Variants in THSD7B observed in about 807,000 individuals in gnomAD.
The protein encoded by THSD7B is thrombospondin type-1 domain-containing protein 7B.
A neutral mutation model predicts 213.6 loss-of-function variants in THSD7B; 138 were observed. That is an observed-to-expected ratio of 0.65 (90% confidence interval 0.56 to 0.74). The LOEUF (loss-of-function observed/expected upper bound fraction) is 0.74, where lower values mean the gene tolerates loss of function less well. Among genes scored for constraint, THSD7B ranks in the 30% least tolerant of loss-of-function variants. The pLI, the probability that THSD7B is intolerant of heterozygous loss-of-function variation, is 0.00. For missense variants in THSD7B, 1,931 were observed against 1,991.5 expected (o/e 0.97, Z 0.58); for synonymous variants, 742 against 687.0 (o/e 1.08, Z -1.25).
At chr2:137,258,896 T>C (rs9711671) in intron 10 of THSD7B, among the ~76,000 whole-genome samples, 4,087 of 152,028 alleles carry the variant, frequency 0.027, 109 homozygotes, top group Middle Eastern at 0.095. Context: ...CCATGTGTTC[T>C]CTTTGTTCAG....
intron 2 of THSD7B, among the ~76,000 whole-genome samples, chr2:137,056,057 G>A (rs531034238): frequency 3.2e-4 from 49 of 152,258 alleles, no homozygotes; most frequent in Admixed American, 1.1e-3. Flanking sequence ...GCTTTGGAAC[G>A]TAGTAGTTAT....
intron 15 of THSD7B, among the ~76,000 whole-genome samples, chr2:137,472,293 C>A (rs1290764222): frequency 5.9e-5 from 9 of 152,166 alleles, no homozygotes; most frequent in Non-Finnish European, 8.8e-5. Context: ...GTAATTCTCA[C>A]TTTCTGGTTT....
At chr2:136,935,906 T>C (rs1002850048) in intron 2 of THSD7B, among the ~76,000 whole-genome samples, 2 of 148,134 alleles carry the variant, frequency 1.4e-5, no homozygotes, top group African/African-American at 4.9e-5. Context: ...ATAGTTATAA[T>C]ATGTAATATA....
chr2:137,011,334 C>T (rs1686227661), intron 2 of THSD7B, among the ~76,000 whole-genome samples: 1 of 152,116 alleles, frequency 6.6e-6, no homozygotes, highest in Admixed American at 6.6e-5. Context: ...ATAAAGAAAG[C>T]CAATTTAGTG....
chr2:136,907,523 A>T (rs1279538768), intron 2 of THSD7B, among the ~76,000 whole-genome samples: 1 of 152,220 alleles, frequency 6.6e-6, no homozygotes, highest in Non-Finnish European at 1.5e-5. Flanking sequence ...GCCAACAGAA[A>T]AAATTCAAAA....
intron 7 of THSD7B, among the ~76,000 whole-genome samples, chr2:137,220,400 A>G (rs974109559): frequency 2.0e-5 from 3 of 152,228 alleles, no homozygotes; most frequent in Non-Finnish European, 4.4e-5. Flanking sequence ...CCAAAGATAT[A>G]CGGATGGCAA....
chr2:137,056,466 G>T lies in THSD7B; in HGVS notation c.186G>T (p.Gln62His). ...CTGDCGPGGV[Q>H]SRAVWCFHVD... ...GAGACTGTGGTCCCGGAGGAGTCCA[G>T]AGTCGGGCAGTGTGGTGTTTTCATG... Residue 62 changes from glutamine (Q) to histidine (H), a missense_variant, in exon 3 of 28, where the codon CAG becomes CAT. Physicochemically the swap from Gln to His is conservative, Grantham distance 24 (BLOSUM62 0). Transcript: ENST00000409968. The T allele has an allele frequency of 1.2e-6, 2 of 1,613,994 alleles. No homozygotes were observed. The highest frequency in any genetic ancestry group is 2.2e-5 in the South Asian group (2 of 91,076).
At chr2:136,935,415 G>A (rs759723218) in intron 2 of THSD7B, among the ~76,000 whole-genome samples, 8 of 152,200 alleles carry the variant, frequency 5.3e-5, no homozygotes, top group Admixed American at 6.5e-5. Context: ...AGTGTTTAGC[G>A]CTTGCCAATA....
intron 1 of THSD7B, among the ~76,000 whole-genome samples, chr2:136,796,264 G>A (rs1682061192): frequency 6.6e-6 from 1 of 151,984 alleles, no homozygotes; most frequent in Admixed American, 6.6e-5. Context: ...CTGGCATAGA[G>A]GATGGCAGGC....
At chr2:137,506,098 G>A (rs376843912) in intron 15 of THSD7B, among the ~76,000 whole-genome samples, 9 of 152,222 alleles carry the variant, frequency 5.9e-5, no homozygotes, top group East Asian at 1.9e-4. Context: ...GGAGGAGGGC[G>A]GCTGAGTGGG....
chr2:136,918,315 A>C (rs948072166), intron 2 of THSD7B, among the ~76,000 whole-genome samples: 3 of 151,626 alleles, frequency 2.0e-5, no homozygotes, highest in Non-Finnish European at 2.9e-5. Flanking sequence ...AAAGAATGAA[A>C]GCCAGGTCTC....
intron 2 of THSD7B, among the ~76,000 whole-genome samples, chr2:136,977,016 T>A (rs2104804380): frequency 6.6e-6 from 1 of 152,328 alleles, no homozygotes; most frequent in South Asian, 2.1e-4. Context: ...CCTTTTAAAT[T>A]GTTTGAAATA....
intron 14 of THSD7B, among the ~76,000 whole-genome samples, chr2:137,413,134 A>T (rs939386798): frequency 6.6e-6 from 1 of 152,122 alleles, no homozygotes; most frequent in African/African-American, 2.4e-5. Flanking sequence ...ATGACTTTTA[A>T]ATTAATACTC....
intron 14 of THSD7B, among the ~76,000 whole-genome samples, chr2:137,428,320 G>A (rs1437036949): frequency 6.6e-6 from 1 of 152,142 alleles, no homozygotes; most frequent in Non-Finnish European, 1.5e-5. Flanking sequence ...GTGAGGATAT[G>A]AAGAATTTGG....
intron 4 of THSD7B, among the ~76,000 whole-genome samples, chr2:137,100,186 A>T (rs974901094): frequency 8.5e-5 from 13 of 152,134 alleles, no homozygotes; most frequent in African/African-American, 3.1e-4. Flanking sequence ...GTGCCAAGAA[A>T]AAGGATGGTA....
chr2:137,302,520 A>G (rs1202275), intron 12 of THSD7B, among the ~76,000 whole-genome samples: 152,138 of 152,196 alleles, frequency 1, 76,042 homozygotes, highest in East Asian at 1. Flanking sequence ...AGAGCATGCC[A>G]TCGTGAGTTC....
rs935352827 is a variant in THSD7B, at chr2:137,465,045, G to A, written c.3138+14022G>A. On this transcript the variant is annotated intron_variant, in intron 15 of 27. Coordinates refer to ENST00000409968, the MANE Select transcript of THSD7B (RefSeq NM_001316349.2). Reference sequence around the variant, plus strand: ...AGAGCCCAAAGCATGTTCCAATTTAGGAGAGAGAAATAAGGACATGCAAAG... The same window carrying A: ...AGAGCCCAAAGCATGTTCCAATTTAAGAGAGAGAAATAAGGACATGCAAAG... 2.6e-5 allele frequency among the ~76,000 whole-genome samples: 4 copies of A among 151,938 alleles called. No homozygotes were observed. In the South Asian group the frequency reaches 8.3e-4, roughly 32 times the overall value.
At chr2:136,989,440 T>C (rs1018532602) in intron 2 of THSD7B, among the ~76,000 whole-genome samples, 11 of 151,854 alleles carry the variant, frequency 7.2e-5, no homozygotes, top group Non-Finnish European at 1.5e-4. Flanking sequence ...GCTTGTTCTC[T>C]CTCTCTTCCT....
rs529714211 is a variant in THSD7B, at chr2:137,050,080, C to T, written c.140-6340C>T. The stretch of plus-strand genomic sequence containing the variant: ...TGAATTTGTCTAGGCTTTGCTTTTT[C>T]CTGCAAAAACTCTGGGCTGTAAGAT... On this transcript the variant is annotated intron_variant, in intron 2 of 27. Coordinates refer to ENST00000409968, the MANE Select transcript of THSD7B (RefSeq NM_001316349.2). Among the ~76,000 whole-genome samples the T allele has an allele frequency of 1.7e-4, 26 of 152,214 alleles. No homozygotes were observed. The Middle Eastern group carries it at 0.01, about 60-fold the overall frequency.
Sources: allele counts gnomAD v4.1 joint callset (sites outside exome capture counted in the v4.1 genomes callset), GRCh38; gene constraint gnomAD v4.1.1; transcripts MANE v1.5; gene names NCBI Gene and HGNC (gene_info 2026-07-23, HGNC 2026-07-21).